ERBB4: variants seen among roughly 807,000 people sequenced by gnomAD.
The protein encoded by ERBB4 is receptor tyrosine-protein kinase erbB-4.
A neutral mutation model predicts 158.0 loss-of-function variants in ERBB4; 42 were observed. The ratio of observed to expected loss-of-function variants is 0.27; its 90% CI spans 0.21 to 0.34. ERBB4 has a LOEUF of 0.34. Ranked by LOEUF, ERBB4 falls within the 10% of genes least tolerant of loss-of-function variation. ERBB4 has a pLI of 1.00. For missense variants in ERBB4, 1,333 were observed against 1,624.1 expected (o/e 0.82, Z 3.08); for synonymous variants, 583 against 558.7 (o/e 1.04, Z -0.61).
chr2:211,839,831 T>C (rs2077431328), intron 3 of ERBB4, among the ~76,000 whole-genome samples: 1 of 152,124 alleles, frequency 6.6e-6, no homozygotes, highest in South Asian at 2.1e-4. Flanking sequence ...TGTGCACTCC[T>C]ATGTACAAAA....
intron 1 of ERBB4, among the ~76,000 whole-genome samples, chr2:212,163,091 T>A (rs1035447836): frequency 1.3e-5 from 2 of 151,954 alleles, no homozygotes; most frequent in African/African-American, 4.8e-5. Flanking sequence ...GAATCTCTTA[T>A]CTATGAGAAA....
intron 20 of ERBB4, among the ~76,000 whole-genome samples, chr2:211,512,182 A>G (rs891361034): frequency 6.6e-6 from 1 of 152,162 alleles, no homozygotes; most frequent in Admixed American, 6.5e-5. Context: ...TTGAAGAACG[A>G]AAGTGCGCTC....
chr2:212,127,302 T>A (rs929668249), intron 1 of ERBB4, among the ~76,000 whole-genome samples: 1 of 152,180 alleles, frequency 6.6e-6, no homozygotes, highest in Admixed American at 6.5e-5. Flanking sequence ...CTTAAAACAT[T>A]ATATTTTTTG....
At chr2:212,280,191 C>A (rs1266578045) in intron 1 of ERBB4, among the ~76,000 whole-genome samples, 2 of 151,678 alleles carry the variant, frequency 1.3e-5, no homozygotes, top group African/African-American at 4.8e-5. Flanking sequence ...GAACAACCAG[C>A]CACCCAGTTG....
intron 16 of ERBB4, among the ~76,000 whole-genome samples, chr2:211,632,251 T>C (rs2070170702): frequency 6.6e-6 from 1 of 152,244 alleles, no homozygotes; most frequent in Non-Finnish European, 1.5e-5. Flanking sequence ...TTCTTCATTG[T>C]GATATGTTTT....
chr2:211,956,304 G>T lies in ERBB4; in HGVS notation c.235-8688C>A, dbSNP rs144313338. 4.0e-3 allele frequency among the ~76,000 whole-genome samples: 607 copies of T among 152,140 alleles called. 6 individuals carry two copies. Among genetic ancestry groups the T allele is most frequent in the African/African-American group, 0.014 (567 of 41,490 alleles). On this transcript the variant is annotated intron_variant, in intron 2 of 27. Coordinates refer to ENST00000342788, the MANE Select transcript of ERBB4 (RefSeq NM_005235.3). ...AAACCTTTGAATTAAACTTTGTTTAGATATAGATAGAGCTGAAGTAAAAAG... is the reference window on the plus strand; with the variant it reads ...AAACCTTTGAATTAAACTTTGTTTATATATAGATAGAGCTGAAGTAAAAAG...
chr2:212,006,792 C>T (rs532748829), intron 2 of ERBB4, among the ~76,000 whole-genome samples: 8 of 151,704 alleles, frequency 5.3e-5, no homozygotes, highest in African/African-American at 1.7e-4. Context: ...CGTATCTTGC[C>T]GGTTTAAAAA....
At chr2:212,406,301 G>A (rs1222619047) in intron 1 of ERBB4, among the ~76,000 whole-genome samples, 4 of 152,040 alleles carry the variant, frequency 2.6e-5, no homozygotes, top group Admixed American at 6.6e-5. Context: ...CTAGTACATC[G>A]AAATACAAAG....
intron 4 of ERBB4, among the ~76,000 whole-genome samples, chr2:211,758,762 A>AC (rs1294800740): frequency 1.3e-5 from 2 of 152,202 alleles, no homozygotes; most frequent in African/African-American, 4.8e-5. Flanking sequence ...CTACATGATA[A>AC]CCCTTGGAGG....
intron 4 of ERBB4, among the ~76,000 whole-genome samples, chr2:211,767,282 T>G (rs565026697): frequency 1.3e-5 from 2 of 152,092 alleles, no homozygotes; most frequent in Non-Finnish European, 1.5e-5. Context: ...TAAACAAAAA[T>G]AGAAGAGAGT....
chr2:211,742,828 G>GA (rs1281377028), intron 5 of ERBB4, among the ~76,000 whole-genome samples: 3 of 151,128 alleles, frequency 2.0e-5, no homozygotes, highest in Admixed American at 2.0e-4. Flanking sequence ...TTATCTACAA[G>GA]AAAAAAATAC....
intron 20 of ERBB4, among the ~76,000 whole-genome samples, chr2:211,513,265 G>C (rs1296860161): frequency 1.3e-5 from 2 of 150,678 alleles, no homozygotes; most frequent in East Asian, 4.0e-4. Flanking sequence ...GCAGGAGAAT[G>C]GCGTGAACCC....
At chr2:211,655,934 A>C (rs538533839) in intron 16 of ERBB4, among the ~76,000 whole-genome samples, 9 of 152,378 alleles carry the variant, frequency 5.9e-5, no homozygotes, top group African/African-American at 1.7e-4. Flanking sequence ...TATTCATTAA[A>C]AATGATATAT....
intron 14 of ERBB4, 125 bp from the exon 15 acceptor site, chr2:211,665,602 A>G: frequency 1.1e-6 from 1 of 888,748 alleles, no homozygotes; most frequent in Non-Finnish European, 1.8e-6. Context: ...AGAATTGGAG[A>G]ACATTTTCAG....
chr2:211,598,018 G>C (rs879802090), intron 19 of ERBB4, among the ~76,000 whole-genome samples: 7 of 152,132 alleles, frequency 4.6e-5, no homozygotes, highest in African/African-American at 1.7e-4. Flanking sequence ...GGGAATAAAA[G>C]AGAACTTCAG....
intron 20 of ERBB4, among the ~76,000 whole-genome samples, chr2:211,458,049 A>G (rs1047208263): frequency 7.1e-5 from 10 of 140,576 alleles, no homozygotes; most frequent in African/African-American, 2.6e-4. Flanking sequence ...AGTGCAATAG[A>G]TATATTTGTG....
intron 1 of ERBB4, among the ~76,000 whole-genome samples, chr2:212,361,191 A>T (rs550260336): frequency 6.6e-6 from 1 of 151,808 alleles, no homozygotes; most frequent in Admixed American, 6.6e-5. Flanking sequence ...TAACATTTCC[A>T]TTTGGTTCAT....
intron 19 of ERBB4, among the ~76,000 whole-genome samples, chr2:211,582,408 AT>A (rs2068131249): frequency 6.6e-6 from 1 of 152,182 alleles, no homozygotes; most frequent in African/African-American, 2.4e-5. Flanking sequence ...AATTTTAAGG[AT>A]TGGATGGCCG....
At chr2:212,064,399 A>T (rs1380491310) in intron 2 of ERBB4, among the ~76,000 whole-genome samples, 1 of 152,116 alleles carries the variant, frequency 6.6e-6, no homozygotes, top group South Asian at 2.1e-4. Context: ...TAGGCAACAC[A>T]TCAGGCTTGT....
Sources: allele counts gnomAD v4.1 joint callset (sites outside exome capture counted in the v4.1 genomes callset), GRCh38; gene constraint gnomAD v4.1.1; transcripts MANE v1.5; gene names NCBI Gene and HGNC (gene_info 2026-07-23, HGNC 2026-07-21).